Variants in SPIDR observed in about 807,000 individuals in gnomAD.
SPIDR encodes scaffold protein involved in DNA repair, also known as DNA repair-scaffolding protein.
Under a neutral mutation model 104.6 loss-of-function variants are expected in SPIDR, and 93 were observed. That is an observed-to-expected ratio of 0.89 (90% CI 0.75 to 1.06). The LOEUF (loss-of-function observed/expected upper bound fraction) is 1.06. Among genes scored for constraint, SPIDR ranks in the 50% least tolerant of loss-of-function variants. The pLI is 0.00. For missense variants in SPIDR, 1,154 were observed against 1,111.2 expected (o/e 1.04, Z -0.55); for synonymous variants, 431 against 416.9 (o/e 1.03, Z -0.41).
At chr8:47,417,811 G>A (rs1451624655) in intron 7 of SPIDR, among the ~76,000 whole-genome samples, 2 of 152,260 alleles carry the variant, frequency 1.3e-5, no homozygotes, top group East Asian at 1.9e-4. Context: ...TAAGGTGTAA[G>A]GAAGGGATCC....
At chr8:47,365,096 G>A (rs782125191) in intron 5 of SPIDR, among the ~76,000 whole-genome samples, 1 of 152,200 alleles carries the variant, frequency 6.6e-6, no homozygotes, top group Non-Finnish European at 1.5e-5. Context: ...AGAGAACCTA[G>A]AACAGGCAAA....
chr8:47,416,974 G>A (rs1235975539), intron 7 of SPIDR, among the ~76,000 whole-genome samples: 3 of 152,124 alleles, frequency 2.0e-5, no homozygotes, highest in African/African-American at 4.8e-5. Context: ...TTTTATGGCT[G>A]CATAGTATTC....
intron 10 of SPIDR, among the ~76,000 whole-genome samples, chr8:47,652,334 G>A (rs2071805731): frequency 6.6e-6 from 1 of 152,122 alleles, no homozygotes; most frequent in African/African-American, 2.4e-5. Context: ...CCTAGGCTAG[G>A]TGGTGAGCAC....
chr8:47,443,089 T>C (rs1175164568), intron 8 of SPIDR, among the ~76,000 whole-genome samples: 6 of 152,174 alleles, frequency 3.9e-5, no homozygotes, highest in African/African-American at 1.2e-4. Flanking sequence ...TACAAAGATT[T>C]ATATGACCAA....
intron 8 of SPIDR, among the ~76,000 whole-genome samples, chr8:47,557,214 G>A (rs1186735969): frequency 6.6e-6 from 1 of 152,152 alleles, no homozygotes; most frequent in Admixed American, 6.6e-5. Context: ...CAGATACTGT[G>A]GAAGTATGCC....
At chr8:47,369,652 G>A (rs1563763729) in intron 5 of SPIDR, among the ~76,000 whole-genome samples, 1 of 152,202 alleles carries the variant, frequency 6.6e-6, no homozygotes, top group South Asian at 2.1e-4. Flanking sequence ...CCCAATACAA[G>A]CCCAAATGTT....
intron 5 of SPIDR, among the ~76,000 whole-genome samples, chr8:47,382,614 T>C (rs2154301079): frequency 6.6e-6 from 1 of 152,270 alleles, no homozygotes; most frequent in South Asian, 2.1e-4. Flanking sequence ...GGTTTCACCA[T>C]GTCGGCTAGG....
At chr8:47,298,899 C>G (rs2041453504) in intron 5 of SPIDR, among the ~76,000 whole-genome samples, 1 of 152,166 alleles carries the variant, frequency 6.6e-6, no homozygotes, top group Admixed American at 6.5e-5. Flanking sequence ...ATGCCTCCAG[C>G]TTTGTTCTTA....
At chr8:47,350,390 T>C (rs1243795471) in intron 5 of SPIDR, among the ~76,000 whole-genome samples, 1 of 152,200 alleles carries the variant, frequency 6.6e-6, no homozygotes, top group Non-Finnish European at 1.5e-5. Context: ...CTCGGCCCAC[T>C]GCAACCTCTA....
chr8:47,670,976 G>A (rs772780807), intron 10 of SPIDR, among the ~76,000 whole-genome samples: 2 of 151,884 alleles, frequency 1.3e-5, no homozygotes, highest in Non-Finnish European at 2.9e-5. Flanking sequence ...TGGCACAGTC[G>A]TAGCTCATTG....
chr8:47,306,228 G>A (rs1363143716), intron 5 of SPIDR, among the ~76,000 whole-genome samples: 3 of 151,958 alleles, frequency 2.0e-5, no homozygotes, highest in Non-Finnish European at 4.4e-5. Flanking sequence ...TGCAACCTCC[G>A]CCTCCTGGGT....
chr8:47,481,184 T>C (rs1436881539), intron 8 of SPIDR, among the ~76,000 whole-genome samples: 3 of 152,242 alleles, frequency 2.0e-5, no homozygotes, highest in Admixed American at 1.3e-4. Flanking sequence ...ATCACAGTGT[T>C]ATGACTGCTA....
intron 8 of SPIDR, among the ~76,000 whole-genome samples, chr8:47,491,870 C>T (rs1211040168): frequency 1.3e-5 from 2 of 152,084 alleles, no homozygotes; most frequent in Non-Finnish European, 2.9e-5. Context: ...AAAAAGAAAA[C>T]CAGCCAATAT....
At chr8:47,636,630 G>A (rs992292471) in intron 10 of SPIDR, among the ~76,000 whole-genome samples, 3 of 152,022 alleles carry the variant, frequency 2.0e-5, no homozygotes, top group Non-Finnish European at 4.4e-5. Context: ...AGACCAGCCT[G>A]GGCAACATAG....
chr8:47,595,753 G>T (rs2061566232), intron 8 of SPIDR, 58 bp from the exon 9 acceptor site: 1 of 1,536,480 alleles, frequency 6.5e-7, no homozygotes. Context: ...GATTTAGCAA[G>T]AATATGAGGG....
At chr8:47,403,738 G>T (rs1336214333) in intron 6 of SPIDR, among the ~76,000 whole-genome samples, 4 of 152,152 alleles carry the variant, frequency 2.6e-5, no homozygotes, top group Non-Finnish European at 5.9e-5. Context: ...TCATGCTCTT[G>T]GATAGGAAGA....
At chr8:47,713,373 T>C (rs1254433594) in intron 15 of SPIDR, 116 bp from the exon 16 acceptor site, 26 of 1,430,460 alleles carry the variant, frequency 1.8e-5, no homozygotes, top group Non-Finnish European at 2.3e-5. Context: ...CTGGACACAG[T>C]CCCATAACTG....
chr8:47,346,893 C>A (rs937739104), intron 5 of SPIDR, among the ~76,000 whole-genome samples: 7 of 151,752 alleles, frequency 4.6e-5, no homozygotes, highest in South Asian at 4.2e-4. Context: ...CTGATCTTTT[C>A]AAAAAAACAG....
intron 7 of SPIDR, among the ~76,000 whole-genome samples, chr8:47,421,516 C>G (rs1410755186): frequency 6.6e-6 from 1 of 152,040 alleles, no homozygotes; most frequent in African/African-American, 2.4e-5. Context: ...TTCGTCTAAT[C>G]TTTTTTCAAG....
Sources: allele counts gnomAD v4.1 joint callset (sites outside exome capture counted in the v4.1 genomes callset), GRCh38; gene constraint gnomAD v4.1.1; transcripts MANE v1.5; gene names NCBI Gene and HGNC (gene_info 2026-07-23, HGNC 2026-07-21).